PSPC1: variants seen among roughly 807,000 people sequenced by gnomAD.
PSPC1 encodes the protein paraspeckle protein 1.
Under a neutral mutation model 51.6 loss-of-function variants are expected in PSPC1, and 14 were observed. That is an observed-to-expected ratio of 0.27 (90% CI 0.18 to 0.42). PSPC1 has a LOEUF of 0.42. Ranked by LOEUF, PSPC1 falls within the 10% of genes least tolerant of loss-of-function variation. The probability of loss-of-function intolerance (pLI) is 1.00; values close to 1 mark genes in which losing one functional copy is unlikely to be tolerated. For synonymous variants in PSPC1, 193 were observed against 231.9 expected (o/e 0.83, Z 1.53); for missense variants, 406 against 701.1 (o/e 0.58, Z 4.75).
In PSPC1 at chr13:19,782,339, C is replaced by T; in HGVS notation, c.372+47G>A. 2 of 1,525,670 alleles carry T rather than the reference C, an allele frequency of 1.3e-6. No individual in the cohort carries two copies. The highest frequency in any genetic ancestry group is 8.8e-7 in the Non-Finnish European group (1 of 1,138,148). 94.5% of individuals were successfully genotyped at this position (1,525,670 alleles called of 1,614,324 possible). A position where few individuals can be genotyped will look rare whatever the true frequency, so the allele number is the denominator to read the frequency against. On this transcript the variant is annotated intron_variant, in intron 1 of 8. Transcript: ENST00000338910. The surrounding 1 kb of genome is among the most constrained non-coding windows in gnomAD (Gnocchi z 4.5). ...GGCCTCAGCCCCACGACCCCGCGGC[C>T]ACCCCGACAGTCCTTTTGTTCCCTC...
intron 4 of PSPC1, among the ~76,000 whole-genome samples, chr13:19,751,054 C>T (rs1886495800): frequency 6.6e-6 from 1 of 152,030 alleles, no homozygotes; most frequent in East Asian, 1.9e-4. Context: ...CAGGCGTGAG[C>T]CACCGCGCCC....
chr13:19,716,750 T>G (rs148784387), intron 6 of PSPC1, among the ~76,000 whole-genome samples: 97 of 152,244 alleles, frequency 6.4e-4, no homozygotes, highest in African/African-American at 2.2e-3. Context: ...TTCCTAAAAA[T>G]AAATTCCCTA....
At chr13:19,711,102 A>G (rs141524277) in intron 6 of PSPC1, among the ~76,000 whole-genome samples, 2,217 of 152,290 alleles carry the variant, frequency 0.015, 53 homozygotes, top group African/African-American at 0.051. Context: ...CACGCTCGCA[A>G]TGTGCTGGGA....
At position 19,686,945 on chromosome 13, in the gene PSPC1, C is replaced by T. The variant is rs1877956487; in HGVS notation, c.1159-9122G>A. Among the ~76,000 whole-genome samples the T allele has an allele frequency of 2.0e-5, 3 of 152,218 alleles. No individual in the cohort carries two copies. The South Asian group carries it at 6.2e-4, about 32-fold the overall frequency. On this transcript the variant is annotated intron_variant and NMD_transcript_variant, in intron 6 of 7. Coordinates refer to the PSPC1 transcript ENST00000471658. Reference sequence around the variant, plus strand: ...GGCGCGGTGGCTCATGCCTGTAATCCCTGCACTTTGGGAGGCCAAGGTGGG... The same window carrying T: ...GGCGCGGTGGCTCATGCCTGTAATCTCTGCACTTTGGGAGGCCAAGGTGGG...
intron 2 of PSPC1, among the ~76,000 whole-genome samples, chr13:19,765,480 T>C (rs1306200041): frequency 6.7e-6 from 1 of 149,768 alleles, no homozygotes; most frequent in African/African-American, 2.5e-5. Context: ...TGTGGTAATT[T>C]TAAGAAAAGG....
rs539585352 is a variant in PSPC1, at chr13:19,753,857, T to C, written c.771-2390A>G. On this transcript the variant is annotated intron_variant, in intron 3 of 8. Transcript: ENST00000338910. ...AACCCTACTTGGATTTTTTTCTTTT[T>C]AAAGCACTGACTGGAAAGTGGGAAA... Among the ~76,000 whole-genome samples, 14 of 152,290 alleles carry C rather than the reference T, an allele frequency of 9.2e-5. No homozygotes were observed. The South Asian group carries it at 2.1e-3, about 23-fold the overall frequency.
chr13:19,744,576 T>C (rs566692171), intron 4 of PSPC1, among the ~76,000 whole-genome samples: 3 of 151,960 alleles, frequency 2.0e-5, no homozygotes, highest in Non-Finnish European at 4.4e-5. Context: ...TTTTTTTTCT[T>C]TTTTTTGAGA....
intron 4 of PSPC1, among the ~76,000 whole-genome samples, chr13:19,746,815 A>T (rs1410945574): frequency 6.6e-6 from 1 of 151,968 alleles, no homozygotes; most frequent in Admixed American, 6.6e-5. Context: ...GTTCAATAAG[A>T]ATCAACATTT....
chr13:19,765,071 T>G (rs1887936652), intron 2 of PSPC1, among the ~76,000 whole-genome samples: 1 of 152,072 alleles, frequency 6.6e-6, no homozygotes, highest in Admixed American at 6.6e-5. Flanking sequence ...AGTTGCATAT[T>G]TATAAGCATG....
intron 7 of PSPC1, among the ~76,000 whole-genome samples, chr13:19,706,566 C>T (rs966776565): frequency 6.6e-6 from 1 of 151,972 alleles, no homozygotes; most frequent in African/African-American, 2.4e-5. Flanking sequence ...GATAATATTT[C>T]AAGTTTTTTC....
intron 6 of PSPC1, among the ~76,000 whole-genome samples, chr13:19,696,023 C>A (rs116538391): frequency 6.6e-6 from 1 of 151,934 alleles, no homozygotes; most frequent in African/African-American, 2.4e-5. Context: ...CTCCACGAAG[C>A]GAGGAATCTG....
intron 6 of PSPC1, among the ~76,000 whole-genome samples, chr13:19,716,802 C>A (rs888086873): frequency 3.3e-5 from 5 of 152,040 alleles, no homozygotes; most frequent in Non-Finnish European, 7.4e-5. Flanking sequence ...TTAGTGTGAG[C>A]AAACTATATT....
chr13:19,689,150 C>T (rs1269960601), intron 6 of PSPC1, among the ~76,000 whole-genome samples: 1 of 152,138 alleles, frequency 6.6e-6, no homozygotes, highest in African/African-American at 2.4e-5. Flanking sequence ...CACATCCAAC[C>T]CAGAGAAGCA....
intron 2 of PSPC1, among the ~76,000 whole-genome samples, chr13:19,768,677 A>T (rs1202091788): frequency 6.6e-6 from 1 of 150,908 alleles, no homozygotes; most frequent in East Asian, 1.9e-4. Context: ...AAAATGAATA[A>T]GGGGGACATC....
At chr13:19,741,676 ATT>A (rs1400195684) in intron 4 of PSPC1, 27 bp from the exon 5 acceptor site, 5 of 1,439,368 alleles carry the variant, frequency 3.5e-6, no homozygotes, top group Non-Finnish European at 4.8e-6. Context: ...GCACATTAAT[ATT>A]TTTAGTTTCC....
intron 7 of PSPC1, chr13:19,677,582 C>T (rs1876810286): frequency 8.8e-6 from 3 of 339,778 alleles, no homozygotes; most frequent in South Asian, 7.1e-5. Context: ...CATAAATATT[C>T]TACTGACTCA....
At chr13:19,699,844 T>A (rs1003008921), downstream of PSPC1, among the ~76,000 whole-genome samples, 1 of 152,022 alleles carries the variant, frequency 6.6e-6, no homozygotes, top group Non-Finnish European at 1.5e-5. Context: ...TCTGACTTTT[T>A]ATATCACTGC....
In PSPC1 at chr13:19,772,348, C is replaced by T; in HGVS notation, c.568G>A (p.Asp190Asn). The T allele has an allele frequency of 6.2e-7, 1 of 1,614,218 alleles. No homozygotes were observed. Among genetic ancestry groups the T allele is most frequent in the Non-Finnish European group, 8.5e-7 (1 of 1,180,050 alleles). ...GPVEKAVVVV[D>N]DRGRATGKGF... The stretch of plus-strand genomic sequence containing the variant: ...TTTCCTGTAGCTCTACCGCGATCAT[C>T]CACAACCACAACAGCTTTCTCTACT... Residue 190 changes from aspartate (D) to asparagine (N), a missense_variant, in exon 2 of 9, where the codon GAT (aspartate) becomes AAT (asparagine). Physicochemically the swap from Asp to Asn is conservative, Grantham distance 23. Around this residue, in one of 5 missense-constraint regions of PSPC1, gnomAD observed 180 missense variants for 337.9 expected, o/e 0.53. Transcript: ENST00000338910.
At chr13:19,742,958 A>T (rs9579676) in intron 4 of PSPC1, among the ~76,000 whole-genome samples, 15,264 of 152,202 alleles carry the variant, frequency 0.1, 878 homozygotes, top group African/African-American at 0.16. Flanking sequence ...CAAAGAAGAA[A>T]GCAAAGATAA....
Sources: gnomAD v4.1 joint callset for allele counts (sites outside exome capture counted in the v4.1 genomes callset) on GRCh38, gnomAD v4.1.1 for gene constraint, gnomAD v4.1.1 regional missense constraint, Gnocchi (gnomAD v3.1) non-coding constraint, MANE v1.5 for transcripts, NCBI Gene and HGNC (gene_info 2026-07-23, HGNC 2026-07-21) for gene names.